Variants in RARB observed in about 807,000 individuals in gnomAD.
RARB encodes the protein HBV-activated protein.
In RARB, 17 loss-of-function variants were observed where a neutral mutation model predicts 51.9. The observed-to-expected ratio is 0.33, with a 90% CI of 0.22 to 0.49. The LOEUF (loss-of-function observed/expected upper bound fraction) is 0.49. Among genes scored for constraint, RARB ranks in the 20% least tolerant of loss-of-function variants. RARB has a pLI of 0.99. For missense variants in RARB, 369 were observed against 550.8 expected (o/e 0.67, Z 3.30); for synonymous variants, 215 against 195.4 (o/e 1.10, Z -0.84).
chr3:25,115,328 G>A (rs1454378048), intron 3 of RARB, among the ~76,000 whole-genome samples: 1 of 152,116 alleles, frequency 6.6e-6, no homozygotes, highest in Non-Finnish European at 1.5e-5. Flanking sequence ...TGTCTTAGTA[G>A]TACATAAAAA....
chr3:25,138,576 C>A (rs966731083), intron 4 of RARB, among the ~76,000 whole-genome samples: 1 of 151,920 alleles, frequency 6.6e-6, no homozygotes, highest in African/African-American at 2.4e-5. Context: ...CATGAATGGA[C>A]ATTTAAAAAC....
chr3:25,589,656 A>G (rs1400618738), intron 5 of RARB, among the ~76,000 whole-genome samples: 1 of 152,182 alleles, frequency 6.6e-6, no homozygotes, highest in Non-Finnish European at 1.5e-5. Flanking sequence ...CACTGAACAC[A>G]CACTCCCATC....
chr3:25,585,204 A>G (rs1281435012), intron 5 of RARB, among the ~76,000 whole-genome samples: 1 of 152,154 alleles, frequency 6.6e-6, no homozygotes, highest in Non-Finnish European at 1.5e-5. Context: ...AGTAGCACGT[A>G]GAGCTTGGAA....
chr3:25,232,707 C>A (rs1199276210), intron 5 of RARB, among the ~76,000 whole-genome samples: 3 of 152,020 alleles, frequency 2.0e-5, no homozygotes, highest in Admixed American at 1.3e-4. Context: ...ATGCAACTTA[C>A]AATTATTCAA....
Position 24,968,398 on chromosome 3 carries a change from G to C in RARB, c.-379-91727G>C, listed in dbSNP as rs1356151134. Among the ~76,000 whole-genome samples the C allele has an allele frequency of 3.3e-5, 5 of 152,196 alleles. No homozygotes were observed. The East Asian group carries it at 9.7e-4, about 29-fold the overall frequency. The stretch of plus-strand genomic sequence containing the variant: ...ATAACATACTTTTCTTTTGGGGTTA[G>C]AGAATCAGTTAACTTTGCCATGTAA... On this transcript the variant is annotated intron_variant, in intron 2 of 11. Transcript: ENST00000383772.
chr3:25,434,530 TTTTTTTTTTTTTTTTC>T (rs1287940807), intron 1 of RARB, among the ~76,000 whole-genome samples: 2 of 25,052 alleles, frequency 8.0e-5, no homozygotes, highest in Non-Finnish European at 6.2e-5. Flanking sequence ...TTGGTACTCC[TTTTTTTTTTTTTTTTC>T]TTTTTTTTTT....
chr3:25,201,948 G>C (rs192653304), intron 5 of RARB, among the ~76,000 whole-genome samples: 3 of 152,018 alleles, frequency 2.0e-5, no homozygotes, highest in African/African-American at 7.2e-5. Flanking sequence ...TGCTGGCCTC[G>C]TAAAATGAGT....
intron 4 of RARB, among the ~76,000 whole-genome samples, chr3:25,134,090 A>G (rs940127156): frequency 2.0e-5 from 3 of 151,908 alleles, no homozygotes; most frequent in African/African-American, 7.2e-5. Context: ...TAGAGAAGTA[A>G]ACTAGTTGTA....
At chr3:25,481,086 A>G (rs1391660635) in intron 2 of RARB, among the ~76,000 whole-genome samples, 2 of 152,156 alleles carry the variant, frequency 1.3e-5, no homozygotes, top group Non-Finnish European at 2.9e-5. Flanking sequence ...GAATTCCTCT[A>G]TTACTTGAGG....
chr3:24,926,609 T>A (rs1410465924), intron 2 of RARB, among the ~76,000 whole-genome samples: 1 of 151,996 alleles, frequency 6.6e-6, no homozygotes, highest in Non-Finnish European at 1.5e-5. Flanking sequence ...TTGAGGCTAA[T>A]CGAGAAGCTG....
At chr3:24,967,107 T>C (rs1324024047) in intron 2 of RARB, among the ~76,000 whole-genome samples, 1 of 152,156 alleles carries the variant, frequency 6.6e-6, no homozygotes, top group African/African-American at 2.4e-5. Context: ...GAAATTTCCA[T>C]ATTATCTTGA....
At chr3:25,478,259 T>C (rs1051099009) in intron 2 of RARB, among the ~76,000 whole-genome samples, 1 of 152,212 alleles carries the variant, frequency 6.6e-6, no homozygotes, top group African/African-American at 2.4e-5. Flanking sequence ...TTCATTGGGA[T>C]AGTGCCATAG....
chr3:25,417,091 CT>C (rs1707724259), intron 5 of RARB, among the ~76,000 whole-genome samples: 1 of 152,018 alleles, frequency 6.6e-6, no homozygotes. Context: ...AAGCCTAAGC[CT>C]GGAACTGAGC....
intron 2 of RARB, among the ~76,000 whole-genome samples, chr3:24,904,425 T>C (rs917919454): frequency 2.1e-4 from 32 of 152,200 alleles, no homozygotes; most frequent in African/African-American, 7.5e-4. Flanking sequence ...TCATCATCAC[T>C]GGTCATTAGA....
chr3:25,062,228 A>C (rs762771481), intron 3 of RARB, among the ~76,000 whole-genome samples: 1 of 151,866 alleles, frequency 6.6e-6, no homozygotes, highest in East Asian at 1.9e-4. Context: ...CCAGTAAAGA[A>C]AATGAAAAAA....
intron 5 of RARB, among the ~76,000 whole-genome samples, chr3:25,321,375 T>G (rs76695848): frequency 0.068 from 10,309 of 152,172 alleles, 424 homozygotes; most frequent in African/African-American, 0.11. Context: ...ACCAAAAAAT[T>G]TAAAATATCT....
At chr3:25,202,181 G>T (rs560679582) in intron 5 of RARB, among the ~76,000 whole-genome samples, 1 of 152,090 alleles carries the variant, frequency 6.6e-6, no homozygotes, top group Non-Finnish European at 1.5e-5. Context: ...ATGTGTCAAG[G>T]AATTTATCCA....
chr3:25,472,077 T>C (rs1695726474), intron 2 of RARB, among the ~76,000 whole-genome samples: 1 of 152,220 alleles, frequency 6.6e-6, no homozygotes, highest in Non-Finnish European at 1.5e-5. Context: ...ATAGCCTTAG[T>C]GTTTCTAATG....
At chr3:25,408,159 T>G (rs4681060) in intron 5 of RARB, among the ~76,000 whole-genome samples, 17,823 of 152,148 alleles carry the variant, frequency 0.12, 1,191 homozygotes, top group South Asian at 0.18. Context: ...TTAACTACAC[T>G]GAACAGGCTC....
Sources: allele counts gnomAD v4.1 joint callset (sites outside exome capture counted in the v4.1 genomes callset), GRCh38; gene constraint gnomAD v4.1.1; transcripts MANE v1.5; gene names NCBI Gene and HGNC (gene_info 2026-07-23, HGNC 2026-07-21).